The following CALD1 variants were observed in gnomAD, a reference collection of about 807,000 sequenced individuals.
CALD1 encodes caldesmon 1, also known as caldesmon.
A neutral mutation model predicts 99.9 loss-of-function variants in CALD1; 33 were observed. The ratio of observed to expected loss-of-function variants is 0.33; its 90% CI spans 0.25 to 0.44. The LOEUF (loss-of-function observed/expected upper bound fraction) is 0.44, where lower values mean the gene tolerates loss of function less well. CALD1 is among the 20% of genes least tolerant of loss of function. CALD1 has a pLI of 1.00. For synonymous variants in CALD1, 310 were observed against 325.0 expected (o/e 0.95, Z 0.50); for missense variants, 861 against 962.1 (o/e 0.89, Z 1.39).
chr7:134,887,767 CGT>C (rs1024066200), intron 3 of CALD1, among the ~76,000 whole-genome samples: 1 of 126,084 alleles, frequency 7.9e-6, no homozygotes, highest in Non-Finnish European at 1.6e-5. Context: ...TATGTGCCTG[CGT>C]GTGTATGTGT....
chr7:134,869,457 G>T (rs948698689), intron 3 of CALD1, among the ~76,000 whole-genome samples: 1 of 151,916 alleles, frequency 6.6e-6, no homozygotes, highest in Non-Finnish European at 1.5e-5. Flanking sequence ...GTATGGTAAT[G>T]AGGGCCTGAA....
At chr7:134,945,926 G>A (rs1376999467) in intron 7 of CALD1, among the ~76,000 whole-genome samples, 1 of 152,176 alleles carries the variant, frequency 6.6e-6, no homozygotes, top group Non-Finnish European at 1.5e-5. Flanking sequence ...TCAAGCTCAA[G>A]GCACAGTTGT....
At chr7:134,778,321 C>T (rs1288034156), upstream of CALD1, among the ~76,000 whole-genome samples, 1 of 152,152 alleles carries the variant, frequency 6.6e-6, no homozygotes, top group Non-Finnish European at 1.5e-5. Flanking sequence ...GGGACATTTT[C>T]GTAAACAGAG....
At chr7:134,847,596 A>C (rs1799904796) in intron 2 of CALD1, among the ~76,000 whole-genome samples, 1 of 152,170 alleles carries the variant, frequency 6.6e-6, no homozygotes, top group South Asian at 2.1e-4. Flanking sequence ...GCGTTCTGGA[A>C]ACCTCCATAG....
At chr7:134,739,333 T>C (rs1299308807), upstream of CALD1, among the ~76,000 whole-genome samples, 1 of 152,218 alleles carries the variant, frequency 6.6e-6, no homozygotes, top group Non-Finnish European at 1.5e-5. Flanking sequence ...ACCCAATAAA[T>C]GATGGACCTG....
intron 4 of CALD1, among the ~76,000 whole-genome samples, chr7:134,931,977 T>C (rs1805555313): frequency 6.6e-6 from 1 of 152,226 alleles, no homozygotes; most frequent in Non-Finnish European, 1.5e-5. Flanking sequence ...TATTTCTGTC[T>C]AGTTGGTAGA....
upstream of CALD1, among the ~76,000 whole-genome samples, chr7:134,776,028 G>T (rs187749798): frequency 6.6e-6 from 1 of 152,098 alleles, no homozygotes; most frequent in African/African-American, 2.4e-5. Flanking sequence ...TCTTCTATTA[G>T]TTCCAATATA....
At chr7:134,895,531 A>G (rs922721024) in intron 3 of CALD1, among the ~76,000 whole-genome samples, 1 of 152,176 alleles carries the variant, frequency 6.6e-6, no homozygotes, top group Non-Finnish European at 1.5e-5. Context: ...CTTCCATCAC[A>G]TAATATTGAT....
chr7:134,868,048 C>A, intron 3 of CALD1: 1 of 287,084 alleles, frequency 3.5e-6, no homozygotes, highest in South Asian at 6.9e-5. Context: ...TTGATAATTG[C>A]ATTTAATCAA....
At chr7:134,910,956 C>A (rs1157084605) in intron 3 of CALD1, among the ~76,000 whole-genome samples, 2 of 152,140 alleles carry the variant, frequency 1.3e-5, no homozygotes, top group Non-Finnish European at 1.5e-5. Context: ...CAAAATGCAC[C>A]AAGAACCTAC....
At position 134,933,964 on chromosome 7, in the gene CALD1, A is replaced by G. The variant is rs750647687; in HGVS notation, c.1195A>G (p.Met399Val). Reference sequence around the variant, plus strand: ...GCAGCTAGAAGAGAAAAAACATGCCATGCAAGAGACAAAGATAAAAGGGGA... The same window carrying G: ...GCAGCTAGAAGAGAAAAAACATGCCGTGCAAGAGACAAAGATAAAAGGGGA... ...NKQLEEKKHAMQETKIKGEKV... is the reference protein window; with the variant it reads ...NKQLEEKKHAVQETKIKGEKV... Residue 399 changes from methionine to valine, a missense_variant, in exon 5 of 15, where the codon ATG becomes GTG. Coordinates refer to ENST00000361675, the MANE Select transcript of CALD1 (RefSeq NM_033138.4). 14 of 1,614,062 alleles carry G rather than the reference A, an allele frequency of 8.7e-6. No individual in the cohort carries two copies. In the African/African-American group the frequency reaches 1.7e-4, roughly 20 times the overall value.
At chr7:134,722,298 ATTCTCTT>A in the CALD1 span, among the ~76,000 whole-genome samples, 2 of 151,472 alleles carry the variant, frequency 1.3e-5, no homozygotes, top group East Asian at 3.9e-4. Flanking sequence ...CCCTTTCACC[ATTCTCTT>A]TTCTCTTTTC....
intron 3 of CALD1, among the ~76,000 whole-genome samples, chr7:134,904,120 G>A (rs1205538188): frequency 6.6e-6 from 1 of 152,052 alleles, no homozygotes; most frequent in Admixed American, 6.5e-5. Context: ...CTACTCGGGA[G>A]GCTGAGGCAA....
At chr7:134,949,702 C>T (rs771118560) in intron 8 of CALD1, among the ~76,000 whole-genome samples, 78 of 152,224 alleles carry the variant, frequency 5.1e-4, no homozygotes, top group Middle Eastern at 3.4e-3. Context: ...ATATTCATAT[C>T]CCTTTTACAT....
chr7:134,887,724 A>G (rs1365714409), intron 3 of CALD1, among the ~76,000 whole-genome samples: 6 of 134,452 alleles, frequency 4.5e-5, no homozygotes, highest in Non-Finnish European at 6.3e-5. Context: ...ATGCATGCGT[A>G]TATGTGTTTG....
intron 1 of CALD1, among the ~76,000 whole-genome samples, chr7:134,759,984 T>G (rs1796762629): frequency 6.6e-6 from 1 of 152,216 alleles, no homozygotes; most frequent in Admixed American, 6.5e-5. Flanking sequence ...GTGGTGGCAT[T>G]CAGCAGAGAT....
intron 3 of CALD1, among the ~76,000 whole-genome samples, chr7:134,924,747 C>T (rs183340358): frequency 1.3e-4 from 20 of 152,092 alleles, no homozygotes; most frequent in African/African-American, 3.6e-4. Flanking sequence ...GTGTCCCTAC[C>T]CAAATCTCAT....
At chr7:134,931,915 G>A (rs573023329) in intron 4 of CALD1, among the ~76,000 whole-genome samples, 3 of 152,270 alleles carry the variant, frequency 2.0e-5, no homozygotes, top group South Asian at 2.1e-4. Context: ...CTGCTATAAC[G>A]ATTAGTGCCC....
chr7:134,833,301 T>A (rs933550599), intron 1 of CALD1, among the ~76,000 whole-genome samples: 1 of 152,214 alleles, frequency 6.6e-6, no homozygotes, highest in Non-Finnish European at 1.5e-5. Context: ...TTATGGGATG[T>A]TCAATATGAA....
Sources: allele counts gnomAD v4.1 joint callset (sites outside exome capture counted in the v4.1 genomes callset), GRCh38; gene constraint gnomAD v4.1.1; transcripts MANE v1.5; gene names NCBI Gene and HGNC (gene_info 2026-07-23, HGNC 2026-07-21).